Variants in BTNL3 observed in about 807,000 individuals in gnomAD.
BTNL3 encodes the protein butyrophilin-like protein 3.
A neutral mutation model predicts 40.1 loss-of-function variants in BTNL3; 20 were observed. The ratio of observed to expected loss-of-function variants is 0.50; its 90% confidence interval spans 0.35 to 0.72. The LOEUF (loss-of-function observed/expected upper bound fraction) is 0.72. Ranked by LOEUF, BTNL3 falls within the 30% of genes least tolerant of loss-of-function variation. The pLI, the probability that BTNL3 is intolerant of heterozygous loss-of-function variation, is 0.01. For synonymous variants in BTNL3, 179 were observed against 222.1 expected (o/e 0.81, Z 1.73); for missense variants, 449 against 582.2 (o/e 0.77, Z 2.35).
At chr5:180,998,963 C>T (rs1466024938) in intron 3 of BTNL3, among the ~76,000 whole-genome samples, 1 of 136,060 alleles carries the variant, frequency 7.3e-6, no homozygotes, top group Non-Finnish European at 1.7e-5. Flanking sequence ...CCCGTCTCTA[C>T]TAAAAATACA....
chr5:181,003,853 C>T lies in BTNL3; in HGVS notation c.788-3C>T. On this transcript the variant is annotated splice_polypyrimidine_tract_variant and splice_region_variant and intron_variant, in intron 4 of 7. Coordinates refer to ENST00000342868, the MANE Select transcript of BTNL3 (RefSeq NM_197975.3). The stretch of plus-strand genomic sequence containing the variant: ...ACCACTGAATATACTGTTTCTGTTT[C>T]AGGGAAAATCCAGGCGGAACTGGGT... 6.2e-7 allele frequency: 1 copy of T among 1,614,156 alleles called. No individual in the cohort carries two copies. Among genetic ancestry groups the T allele is most frequent in the South Asian group, 1.1e-5 (1 of 91,084 alleles).
rs1759998945 is a variant in BTNL3, at chr5:180,993,447, T to C, written c.397+287T>C. On this transcript the variant is annotated intron_variant, in intron 2 of 7. Transcript: ENST00000342868. The stretch of plus-strand genomic sequence containing the variant: ...GGTGAAATGAGAGTGATAATGCCTG[T>C]CATATTTCAATTTCTTTTATTTTCT... 1.5e-5 allele frequency among the ~76,000 whole-genome samples: 2 copies of C among 136,614 alleles called. 1 individual carries two copies. Among genetic ancestry groups the C allele is most frequent in the Non-Finnish European group, 3.3e-5 (2 of 59,760 alleles). 89.6% of individuals were successfully genotyped at this position (136,614 alleles called of 152,430 possible). A position where few individuals can be genotyped will look rare whatever the true frequency, so the allele number is the denominator to read the frequency against.
chr5:181,001,573 C>T lies in BTNL3; in HGVS notation c.674-1099C>T, dbSNP rs933195124. Among the ~76,000 whole-genome samples the T allele has an allele frequency of 1.4e-4, 19 of 133,694 alleles. 3 individuals carry two copies. Among genetic ancestry groups the T allele is most frequent in the African/African-American group, 3.1e-4 (12 of 38,816 alleles). 87.7% of individuals were successfully genotyped at this position (133,694 alleles called of 152,430 possible). On this transcript the variant is annotated intron_variant, in intron 3 of 7. Coordinates refer to ENST00000342868, the MANE Select transcript of BTNL3 (RefSeq NM_197975.3). ...CTTAAGAAATCCTCCCGGCCAGGCG[C>T]GGTGGCTCATGCCTGTAATCCCAGC... is the stretch of plus-strand genomic sequence containing the variant.
In BTNL3 at chr5:181,000,675, G is replaced by T. The variant is rs1281008185; in HGVS notation, c.674-1997G>T. Among the ~76,000 whole-genome samples, 4 of 131,064 alleles carry T rather than the reference G, an allele frequency of 3.1e-5. 2 individuals are homozygous for T. The East Asian group carries it at 8.8e-4, about 29-fold the overall frequency. 86.0% of individuals were successfully genotyped at this position (131,064 alleles called of 152,430 possible). On this transcript the variant is annotated intron_variant, in intron 3 of 7. Transcript: ENST00000342868. ...CAAAAAATTAGCCGGGCGCGGTGGCGGGCGCCTGTAGTCCCAGCTACTCGG... is the reference window on the plus strand; with the variant it reads ...CAAAAAATTAGCCGGGCGCGGTGGCTGGCGCCTGTAGTCCCAGCTACTCGG...
chr5:180,998,206 C>G (rs1255377620), intron 3 of BTNL3, among the ~76,000 whole-genome samples: 2 of 136,114 alleles, frequency 1.5e-5, no homozygotes, highest in Admixed American at 7.8e-5. Context: ...ATATTAATCA[C>G]GAAGAATTGA....
At chr5:180,999,052 G>A (rs371674978) in intron 3 of BTNL3, among the ~76,000 whole-genome samples, 1 of 136,210 alleles carries the variant, frequency 7.3e-6, no homozygotes. Context: ...GCTTGAACCC[G>A]GGAGGCGGAG....
In BTNL3 at chr5:181,002,580, T is replaced by C; in HGVS notation, c.674-92T>C. The C allele has an allele frequency of 1.2e-5, 14 of 1,167,678 alleles. 2 individuals carry two copies. Among genetic ancestry groups the C allele is most frequent in the Middle Eastern group, 2.2e-4 (1 of 4,458 alleles). The allele number at this position is 1,167,678 out of a possible 1,614,324, so 72.3% of individuals were successfully genotyped here. A position where few individuals can be genotyped will look rare whatever the true frequency, so the allele number is the denominator to read the frequency against. On this transcript the variant is annotated intron_variant, in intron 3 of 7. Transcript: ENST00000342868. ...GTGGAAGAAATGAGAGAAAAATGTT[T>C]TCATCTTGGGGTACTGGGGGATTCC...
At chr5:181,002,651 G>A (rs762776733) in intron 3 of BTNL3, 21 bp from the exon 4 acceptor site, 3 of 1,451,596 alleles carry the variant, frequency 2.1e-6, no homozygotes, top group South Asian at 2.2e-5. Context: ...ATCACTAAGG[G>A]TCTGTGGGAC....
Position 180,995,209 on chromosome 5 carries a change from T to C in BTNL3, c.398-2004T>C, listed in dbSNP as rs569560512. 1.0e-4 allele frequency among the ~76,000 whole-genome samples: 14 copies of C among 137,746 alleles called. No individual in the cohort carries two copies. In the South Asian group the frequency reaches 3.0e-3, roughly 30 times the overall value. The allele number at this position is 137,746 out of a possible 152,430, so 90.4% of individuals were successfully genotyped here. ...TTTTATAACATCTATGGTTTTTGTTTTTTAAATTTTTTGAGAGAATTCATA... is the reference window on the plus strand; with the variant it reads ...TTTTATAACATCTATGGTTTTTGTTCTTTAAATTTTTTGAGAGAATTCATA... On this transcript the variant is annotated intron_variant, in intron 2 of 7. Transcript: ENST00000342868.
Position 181,005,826 on chromosome 5 carries a change from A to C in BTNL3, c.1355A>C (p.Glu452Ala), listed in dbSNP as rs564555131. 2 of 1,613,658 alleles carry C rather than the reference A, an allele frequency of 1.2e-6. No individual in the cohort carries two copies. The highest frequency in any genetic ancestry group is 1.3e-5 in the African/African-American group (1 of 74,984). The change falls in exon 8 of 8, where the codon GAG (glutamate) becomes GCG (alanine). Residue 452 changes from glutamate (E) to alanine (A), a missense_variant. By Grantham distance (107) the Glu-to-Ala change is moderately radical. Coordinates refer to ENST00000342868, the MANE Select transcript of BTNL3 (RefSeq NM_197975.3). ...TATATCCAGCATGCGATGTATGACG[A>C]GGAAAAGGGGACTCCCATATTCATA... Reference protein sequence around the residue: ...RPYIQHAMYDEEKGTPIFICP... With the variant: ...RPYIQHAMYDAEKGTPIFICP...
Position 181,002,622 on chromosome 5 carries a change from TTG to T in BTNL3, c.674-48_674-47del. Reference sequence around the variant, plus strand: ...GGGGATTCCTTAAATGGGCGTAAAATTGTCTTACCTGCTTAGCTATCACTAAG... The same window carrying T: ...GGGGATTCCTTAAATGGGCGTAAAATTCTTACCTGCTTAGCTATCACTAAG... On this transcript the variant is annotated intron_variant, in intron 3 of 7. Coordinates refer to ENST00000342868, the MANE Select transcript of BTNL3 (RefSeq NM_197975.3). 2.8e-6 allele frequency: 4 copies of T among 1,417,060 alleles called. 1 individual carries two copies. The highest frequency in any genetic ancestry group is 3.9e-6 in the Non-Finnish European group (4 of 1,033,976). The allele number at this position is 1,417,060 out of a possible 1,614,324, so 87.8% of individuals were successfully genotyped here.
chr5:181,001,977 C>T (rs1298236771), intron 3 of BTNL3, among the ~76,000 whole-genome samples: 1 of 135,144 alleles, frequency 7.4e-6, no homozygotes, highest in Admixed American at 7.9e-5. Context: ...TGAGCCACTG[C>T]ACCTGGCCCA....
At chr5:181,004,895 T>G (rs1760191340) in intron 7 of BTNL3, 133 bp downstream of exon 7, 4 of 1,543,310 alleles carry the variant, frequency 2.6e-6, no homozygotes, top group Non-Finnish European at 3.5e-6. Context: ...TGCCTCTAAA[T>G]ACACTTCTTG....
chr5:181,005,767 G>T lies in BTNL3; in HGVS notation c.1296G>T (p.Leu432=), dbSNP rs1561962001. The T allele has an allele frequency of 6.2e-7, 1 of 1,614,124 alleles. No individual in the cohort carries two copies. Residue 432 remains leucine (L), a synonymous_variant, in exon 8 of 8, where the codon CTG becomes CTT. Coordinates refer to ENST00000342868, the MANE Select transcript of BTNL3 (RefSeq NM_197975.3). ...NTNDQSLIYT[L]LTCQFEGLLR... is the part of the protein sequence containing the mutation. ...ATGACCAGTCCCTTATTTATACCCT[G>T]CTGACATGTCAGTTTGAAGGCTTGT... is the stretch of plus-strand genomic sequence containing the variant.
intron 3 of BTNL3, among the ~76,000 whole-genome samples, chr5:181,001,604 G>A (rs1760110739): frequency 7.5e-6 from 1 of 134,030 alleles, no homozygotes; most frequent in South Asian, 2.2e-4. Flanking sequence ...CCAGCACTTT[G>A]GGAGGCCGAG....
rs927574258 is a variant in BTNL3 at position 180,995,622 on chromosome 5, T to C, written c.398-1591T>C. Among the ~76,000 whole-genome samples the C allele has an allele frequency of 4.4e-5, 6 of 137,032 alleles. 1 individual carries two copies. The highest frequency in any genetic ancestry group is 1.0e-4 in the African/African-American group (4 of 39,842). The allele number at this position is 137,032 out of a possible 152,430, so 89.9% of individuals were successfully genotyped here. On this transcript the variant is annotated intron_variant, in intron 2 of 7. Coordinates refer to ENST00000342868, the MANE Select transcript of BTNL3 (RefSeq NM_197975.3). ...TTCCCATGTTGCTCCTCACTGTTTC[T>C]TGTGAGAGAGGTGATCATCTGGCAT...
Position 181,005,801 on chromosome 5 carries a change from T to C in BTNL3, c.1330T>C (p.Tyr444His). 2 of 1,614,026 alleles carry C rather than the reference T, an allele frequency of 1.2e-6. No homozygotes were observed. The highest frequency in any genetic ancestry group is 1.6e-4 in the Middle Eastern group (1 of 6,062). ...TCQFEGLLRP[Y>H]IQHAMYDEEK... ...TCAGTTTGAAGGCTTGTTGAGACCC[T>C]ATATCCAGCATGCGATGTATGACGA... Residue 444 changes from tyrosine to histidine, a missense_variant, in exon 8 of 8, where the codon TAT (tyrosine) becomes CAT (histidine). By Grantham distance (83) the Tyr-to-His change is moderately conservative. Around this residue, in one of 2 missense-constraint regions of BTNL3, gnomAD observed 126 missense variants for 117.2 expected, o/e 1.07. Transcript: ENST00000342868.
Position 180,994,863 on chromosome 5 carries a change from G to A in BTNL3, c.397+1703G>A, listed in dbSNP as rs912980797. On this transcript the variant is annotated intron_variant, in intron 2 of 7. Coordinates refer to ENST00000342868, the MANE Select transcript of BTNL3 (RefSeq NM_197975.3). The stretch of plus-strand genomic sequence containing the variant: ...GTGCAGTGGTGCAATCTCGCTCACT[G>A]CAAGCTCTGCCTTCCGGGTTCACGC... 1.5e-5 allele frequency among the ~76,000 whole-genome samples: 2 copies of A among 133,484 alleles called. 1 individual carries two copies. Among genetic ancestry groups the A allele is most frequent in the African/African-American group, 5.1e-5 (2 of 38,890 alleles). 87.6% of individuals were successfully genotyped at this position (133,484 alleles called of 152,430 possible).
In BTNL3 at chr5:180,990,304, C is replaced by T. The variant is rs185936936; in HGVS notation, c.49+1227C>T. 4.2e-4 allele frequency among the ~76,000 whole-genome samples: 58 copies of T among 137,930 alleles called. 5 individuals carry two copies. The South Asian group carries it at 7.1e-3, about 17-fold the overall frequency. 90.5% of individuals were successfully genotyped at this position (137,930 alleles called of 152,430 possible). A position where few individuals can be genotyped will look rare whatever the true frequency, so the allele number is the denominator to read the frequency against. ...GGCAGCAGGGCATGCTGGAAATGACCTTAGAGGAAGTAACACTATTTTTAA... is the reference window on the plus strand; with the variant it reads ...GGCAGCAGGGCATGCTGGAAATGACTTTAGAGGAAGTAACACTATTTTTAA... On this transcript the variant is annotated intron_variant, in intron 1 of 7. Transcript: ENST00000342868.
Sources: allele counts gnomAD v4.1 joint callset (sites outside exome capture counted in the v4.1 genomes callset), GRCh38; gene constraint gnomAD v4.1.1; regional missense constraint gnomAD v4.1.1; transcripts MANE v1.5; gene names NCBI Gene and HGNC (gene_info 2026-07-23, HGNC 2026-07-21).